ID4: variants seen among roughly 807,000 people sequenced by gnomAD.
ID4 encodes inhibitor of DNA binding 4.
Under a neutral mutation model 8.6 loss-of-function variants are expected in ID4, and 9 were observed. The ratio of observed to expected loss-of-function variants is 1.04; its 90% CI spans 0.63 to 1.82. The LOEUF (loss-of-function observed/expected upper bound fraction) is 1.82. Among genes scored for constraint, ID4 ranks in the 40% most tolerant of loss-of-function variants. The pLI is 0.00. For missense variants in ID4, 270 were observed against 235.1 expected (o/e 1.15, Z -0.97); for synonymous variants, 180 against 118.0 (o/e 1.53, Z -3.41).
Position 19,838,531 on chromosome 6 carries a change from G to C in ID4, c.442-53G>C. On this transcript the variant is annotated intron_variant, in intron 1 of 2. Transcript: ENST00000378700. Reference sequence around the variant, plus strand: ...CGAGGACAATCCAGGACCGTGTCGAGCGCGTTGTTTGCGCCTGCTAACCTT... The same window carrying C: ...CGAGGACAATCCAGGACCGTGTCGACCGCGTTGTTTGCGCCTGCTAACCTT... 6 of 1,611,998 alleles carry C rather than the reference G, an allele frequency of 3.7e-6. No homozygotes were observed. The South Asian group carries it at 5.5e-5, about 15-fold the overall frequency.
chr6:19,838,589 C>G lies in ID4; in HGVS notation c.447C>G (p.Gly149=), dbSNP rs769973993. 2 of 1,613,932 alleles carry G rather than the reference C, an allele frequency of 1.2e-6. No individual in the cohort carries two copies. Among genetic ancestry groups the G allele is most frequent in the African/African-American group, 2.7e-5 (2 of 75,040 alleles). ...PLTALNTDPA[G]AVNKQGDSIL... ...GTGTTCGGTTGCTGTTCCAGGCCGG[C>G]GCGGTGAACAAGCAGGGCGACAGCA... The change falls in exon 2 of 3, where the codon GGC becomes GGG. Residue 149 remains glycine (G), a synonymous_variant. Coordinates refer to ENST00000378700, the MANE Select transcript of ID4 (RefSeq NM_001546.4).
intron 1 of ID4, 29 bp from the exon 2 acceptor site, chr6:19,838,555 T>A (rs1455133702): frequency 3.1e-6 from 5 of 1,613,658 alleles, no homozygotes; most frequent in Non-Finnish European, 4.2e-6. Flanking sequence ...CCTGCTAACC[T>A]TTCCCTTGGT....
chr6:19,838,135 G>T lies in ID4; in HGVS notation c.381G>T (p.Pro127=). ...CACCGCCCGCGCCGCCACACCACCC[G>T]GCCGGGACCTGTCCAGCCGCGCCGC... ...QPPPPAPPHH[P]AGTCPAAPPR... The change falls in exon 1 of 3, where the codon CCG becomes CCT. Residue 127 remains proline, a synonymous_variant. Transcript: ENST00000378700. The T allele has an allele frequency of 6.4e-7, 1 of 1,567,912 alleles. No homozygotes were observed. The highest frequency in any genetic ancestry group is 8.6e-7 in the Non-Finnish European group (1 of 1,157,956).
chr6:19,837,772 G>C lies in ID4; in HGVS notation c.18G>C (p.Pro6=). Residue 6 remains proline (P), a synonymous_variant, in exon 1 of 3, where the codon CCG becomes CCC. Transcript: ENST00000378700. ...CGCGCGCGATGAAGGCGGTGAGCCCGGTGCGCCCCTCGGGCCGCAAGGCGC... is the reference window on the plus strand; with the variant it reads ...CGCGCGCGATGAAGGCGGTGAGCCCCGTGCGCCCCTCGGGCCGCAAGGCGC... The part of the protein sequence containing the change: MKAVS[P]VRPSGRKAPS... 1 of 1,126,908 alleles carries C rather than the reference G, an allele frequency of 8.9e-7. No homozygotes were observed. The highest frequency in any genetic ancestry group is 1.1e-6 in the Non-Finnish European group (1 of 921,454). The allele number at this position is 1,126,908 out of a possible 1,614,324, so 69.8% of individuals were successfully genotyped here.
Position 19,840,926 on chromosome 6 carries a change from G to C in ID4, c.*1731G>C, listed in dbSNP as rs1225700674. On this transcript the variant is annotated 3_prime_UTR_variant, in exon 3 of 3. Transcript: ENST00000378700. ...GTCAACTGTGTGTATAACGTGGTCT[G>C]TTTGATTTTTAAAAGGAAAGGATTT... Among the ~76,000 whole-genome samples, 2 of 152,080 alleles carry C rather than the reference G, an allele frequency of 1.3e-5. No homozygotes were observed. The highest frequency in any genetic ancestry group is 6.6e-5 in the Admixed American group (1 of 15,266).
chr6:19,837,799 G>A lies in ID4; in HGVS notation c.45G>A (p.Pro15=), dbSNP rs1761252686. Residue 15 remains proline, a synonymous_variant, in exon 1 of 3, where the codon CCG becomes CCA. Transcript: ENST00000378700. ...TGCGCCCCTCGGGCCGCAAGGCGCC[G>A]TCGGGCTGCGGCGGCGGGGAGCTGG... is the stretch of plus-strand genomic sequence containing the variant. The part of the protein sequence containing the change: ...SPVRPSGRKA[P]SGCGGGELAL... 8.8e-7 allele frequency: 1 copy of A among 1,130,228 alleles called. No homozygotes were observed. Among genetic ancestry groups the A allele is most frequent in the Non-Finnish European group, 1.1e-6 (1 of 923,914 alleles). The allele number at this position is 1,130,228 out of a possible 1,614,324, so 70.0% of individuals were successfully genotyped here. A position where few individuals can be genotyped will look rare whatever the true frequency, so the allele number is the denominator to read the frequency against.
Position 19,841,980 on chromosome 6 carries a change from G to A in ID4, c.*2785G>A, listed in dbSNP as rs565459404. On this transcript the variant is annotated 3_prime_UTR_variant, in exon 3 of 3. Coordinates refer to ENST00000378700, the MANE Select transcript of ID4 (RefSeq NM_001546.4). ...CCCACACAGTGGATGTTGTTTCTAAGAATGCTACAAAATCCTGACATCTCA... is the reference window on the plus strand; with the variant it reads ...CCCACACAGTGGATGTTGTTTCTAAAAATGCTACAAAATCCTGACATCTCA... Among the ~76,000 whole-genome samples the A allele has an allele frequency of 6.6e-6, 1 of 152,258 alleles. No individual in the cohort carries two copies. Among genetic ancestry groups the A allele is most frequent in the South Asian group, 2.1e-4 (1 of 4,830 alleles).
rs767295850 is a variant in ID4 at position 19,838,095 on chromosome 6, T to G, written c.341T>G (p.Leu114Arg). 8 of 1,601,226 alleles carry G rather than the reference T, an allele frequency of 5.0e-6. No homozygotes were observed. Among genetic ancestry groups the G allele is most frequent in the Admixed American group, 3.4e-5 (2 of 58,862 alleles). Residue 114 changes from leucine to arginine, a missense_variant, in exon 1 of 3, where the codon CTG becomes CGG. Physicochemically the swap from Leu to Arg is moderately radical, Grantham distance 102. Around this residue, in one of 3 missense-constraint regions of ID4, gnomAD observed 107 missense variants for 81.0 expected, o/e 1.32. Transcript: ENST00000378700. ...LQLALETHPA[L>R]LRQPPPPAPP... is the part of the protein sequence containing the mutation. ...CTGGCGCTGGAGACGCACCCGGCCC[T>G]GCTGAGGCAGCCACCACCGCCCGCG...
In ID4 at chr6:19,841,168, C is replaced by G. The variant is rs1382053453; in HGVS notation, c.*1973C>G. On this transcript the variant is annotated 3_prime_UTR_variant, in exon 3 of 3. Coordinates refer to ENST00000378700, the MANE Select transcript of ID4 (RefSeq NM_001546.4). ...TCCTCAGCATGTTATTTCCTCAGCT[C>G]TGATAATTTACTGGTCTTGAGTATT... Among the ~76,000 whole-genome samples, 3 of 152,158 alleles carry G rather than the reference C, an allele frequency of 2.0e-5. No individual in the cohort carries two copies. The highest frequency in any genetic ancestry group is 4.4e-5 in the Non-Finnish European group (3 of 68,006).
chr6:19,838,288 G>A, intron 1 of ID4, 93 bp downstream of exon 1: 5 of 1,183,188 alleles, frequency 4.2e-6, no homozygotes, highest in Non-Finnish European at 5.5e-6. Flanking sequence ...CGTCCTCCGG[G>A]CAGGGGCGGG....
Position 19,838,651 on chromosome 6 carries a change from G to A in ID4, c.*14+9G>A. 1.1e-5 allele frequency: 17 copies of A among 1,612,544 alleles called. No individual in the cohort carries two copies. The highest frequency in any genetic ancestry group is 1.4e-5 in the Non-Finnish European group (17 of 1,179,080). On this transcript the variant is annotated intron_variant, in intron 2 of 2. Coordinates refer to ENST00000378700, the MANE Select transcript of ID4 (RefSeq NM_001546.4). ...TGAGCCGCGCTGTCCAGGTGAGCGC[G>A]CATTTCCCGTCTCGGGTGGCCGGTC...
In ID4 at chr6:19,841,610, G is replaced by A. The variant is rs1479367765; in HGVS notation, c.*2415G>A. 2.6e-5 allele frequency among the ~76,000 whole-genome samples: 4 copies of A among 152,190 alleles called. No individual in the cohort carries two copies. The highest frequency in any genetic ancestry group is 5.9e-5 in the Non-Finnish European group (4 of 68,020). ...GGGGCATGAAAAACTACTGAAAGAA[G>A]AAAAGTGCTACAGATACTACATTTC... is the stretch of plus-strand genomic sequence containing the variant. On this transcript the variant is annotated 3_prime_UTR_variant, in exon 3 of 3. Coordinates refer to ENST00000378700, the MANE Select transcript of ID4 (RefSeq NM_001546.4).
At chr6:19,838,990 A>C in intron 2 of ID4, 2 of 250,518 alleles carry the variant, frequency 8.0e-6, no homozygotes, top group Non-Finnish European at 1.5e-5. Context: ...GTCACCCACA[A>C]AGGGGGACGC....
At position 19,837,670 on chromosome 6, in the gene ID4, G is replaced by T. The variant is rs1761246684; in HGVS notation, c.-85G>T. On this transcript the variant is annotated 5_prime_UTR_variant, in exon 1 of 3. Transcript: ENST00000378700. Reference sequence around the variant, plus strand: ...CGGGCGCGGAGGCAAAGGGAGCGGAGCCGGCCGCGGACGGGGCCCGGAGCT... The same window carrying T: ...CGGGCGCGGAGGCAAAGGGAGCGGATCCGGCCGCGGACGGGGCCCGGAGCT... 4 of 970,674 alleles carry T rather than the reference G, an allele frequency of 4.1e-6. No homozygotes were observed. In the South Asian group the frequency reaches 1.5e-4, roughly 36 times the overall value. 60.1% of individuals were successfully genotyped at this position (970,674 alleles called of 1,614,324 possible). A position where few individuals can be genotyped will look rare whatever the true frequency, so the allele number is the denominator to read the frequency against.
rs1195179600 is a variant in ID4, at chr6:19,838,110, C to T, written c.356C>T (p.Pro119Leu). 13 of 1,590,204 alleles carry T rather than the reference C, an allele frequency of 8.2e-6. No homozygotes were observed. The highest frequency in any genetic ancestry group is 1.4e-5 in the African/African-American group (1 of 73,748). Residue 119 changes from proline (P) to leucine (L), a missense_variant, in exon 1 of 3, where the codon CCA (proline) becomes CTA (leucine). This residue lies in a region of ID4 where 107 missense variants were observed against 81.0 expected (regional missense o/e 1.32). Transcript: ENST00000378700. ...CACCCGGCCCTGCTGAGGCAGCCAC[C>T]ACCGCCCGCGCCGCCACACCACCCG... ...ETHPALLRQP[P>L]PPAPPHHPAG...
rs1304492869 is a variant in ID4 at position 19,838,393 on chromosome 6, C to T, written c.442-191C>T. ...GCGAGCGCGGGTCCGGGAGAACGCG[C>T]AGGGCGGGACTCGGGGCTGTGGGCG... On this transcript the variant is annotated intron_variant, in intron 1 of 2. Coordinates refer to ENST00000378700, the MANE Select transcript of ID4 (RefSeq NM_001546.4). Among the ~76,000 whole-genome samples the T allele has an allele frequency of 2.6e-5, 4 of 152,126 alleles. No homozygotes were observed. In the East Asian group the frequency reaches 5.8e-4, roughly 22 times the overall value.
In ID4 at chr6:19,842,136, T is replaced by C. The variant is rs748144451; in HGVS notation, c.*2941T>C. 8.5e-5 allele frequency among the ~76,000 whole-genome samples: 13 copies of C among 152,252 alleles called. No individual in the cohort carries two copies. The highest frequency in any genetic ancestry group is 1.5e-4 in the Non-Finnish European group (10 of 68,030). On this transcript the variant is annotated 3_prime_UTR_variant, in exon 3 of 3. Coordinates refer to ENST00000378700, the MANE Select transcript of ID4 (RefSeq NM_001546.4). ...TGCCTTTTTAGAACTTTTTAAAATT[T>C]CGAGCCCACAAATCTATTGTATTAG...
At chr6:19,838,479 G>A (rs1761279517) in intron 1 of ID4, 105 bp from the exon 2 acceptor site, 1 of 1,472,540 alleles carries the variant, frequency 6.8e-7, no homozygotes, top group African/African-American at 1.4e-5. Context: ...GGCTGGGGTG[G>A]GGGCGTCGGC....
chr6:19,839,631 C>T lies in ID4; in HGVS notation c.*436C>T, dbSNP rs866310717. ...CATTGTAGATATTTTTTTTTTACAT[C>T]TATTGTTTAAAATAGATGATTATAA... is the stretch of plus-strand genomic sequence containing the variant. On this transcript the variant is annotated 3_prime_UTR_variant, in exon 3 of 3. Transcript: ENST00000378700. 3.9e-5 allele frequency: 6 copies of T among 152,032 alleles called. No homozygotes were observed. Among genetic ancestry groups the T allele is most frequent in the South Asian group, 2.1e-4 (1 of 4,814 alleles). The allele number at this position is 152,032 out of a possible 1,614,324, so 9.4% of individuals were successfully genotyped here.
Sources: gnomAD v4.1 joint callset for allele counts (sites outside exome capture counted in the v4.1 genomes callset) on GRCh38, gnomAD v4.1.1 for gene constraint, gnomAD v4.1.1 regional missense constraint, MANE v1.5 for transcripts, NCBI Gene and HGNC (gene_info 2026-07-23, HGNC 2026-07-21) for gene names.